IRAK2: variants seen among roughly 807,000 people sequenced by gnomAD.
IRAK2 encodes interleukin 1 receptor associated kinase 2.
Under a neutral mutation model 72.0 loss-of-function variants are expected in IRAK2, and 57 were observed. That is an observed-to-expected ratio of 0.79 (90% confidence interval 0.64 to 0.99). The LOEUF is 0.99. IRAK2 is among the 50% of genes least tolerant of loss of function. The probability of loss-of-function intolerance (pLI) is 0.00; values close to 1 mark genes in which losing one functional copy is unlikely to be tolerated. For missense variants in IRAK2, 790 were observed against 794.4 expected (o/e 0.99, Z 0.07); for synonymous variants, 293 against 312.7 (o/e 0.94, Z 0.67).
At chr3:10,188,475 A>G (rs1173877758) in intron 2 of IRAK2, among the ~76,000 whole-genome samples, 1 of 151,396 alleles carries the variant, frequency 6.6e-6, no homozygotes, top group African/African-American at 2.4e-5. Context: ...CTGGGATTAC[A>G]GGCATGCACT....
chr3:10,219,450 C>T (rs1393673291), intron 7 of IRAK2, among the ~76,000 whole-genome samples: 2 of 138,214 alleles, frequency 1.4e-5, no homozygotes, highest in Non-Finnish European at 3.4e-5. Flanking sequence ...TCCCAAATAG[C>T]TGGGACTACA....
At position 10,200,373 on chromosome 3, in the gene IRAK2, A is replaced by G. The variant is rs746470749; in HGVS notation, c.282A>G (p.Lys94=). Reference sequence around the variant, plus strand: ...TTCTTTCCACCTTGTTTTCAGGGAAACCGGCTCCTGAAATCAGGTGTCCCA... The same window carrying G: ...TTCTTTCCACCTTGTTTTCAGGGAAGCCGGCTCCTGAAATCAGGTGTCCCA... ...YRAAQIILNW[K]PAPEIRCPIP... The change falls in exon 3 of 13, where the codon AAA becomes AAG. Residue 94 remains lysine, a synonymous_variant. Coordinates refer to ENST00000256458, the MANE Select transcript of IRAK2 (RefSeq NM_001570.4). The G allele has an allele frequency of 1.6e-5, 25 of 1,583,662 alleles. No individual in the cohort carries two copies. Among genetic ancestry groups the G allele is most frequent in the Middle Eastern group, 3.4e-4 (2 of 5,930 alleles).
chr3:10,171,180 G>A (rs1232559188), intron 1 of IRAK2, among the ~76,000 whole-genome samples: 1 of 152,236 alleles, frequency 6.6e-6, no homozygotes, highest in African/African-American at 2.4e-5. Flanking sequence ...AGCCCCAGGT[G>A]TGTGCAGAGG....
chr3:10,209,665 C>G lies in IRAK2; in HGVS notation c.501C>G (p.Ser167Arg), dbSNP rs1472550336. The change falls in exon 4 of 13, where the codon AGC (serine) becomes AGG (arginine). Residue 167 changes from serine (S) to arginine (R), a missense_variant. Ser to Arg is a moderately radical substitution (Grantham distance 110, BLOSUM62 -1). Transcript: ENST00000256458. ...AAGATGCCCCTCATTCCTTGAGAAG[C>G]GACCTCCCCACTTCGTCTGATTCAA... is the stretch of plus-strand genomic sequence containing the variant. The part of the protein sequence containing the change: ...PEEDAPHSLR[S>R]DLPTSSDSKD... The G allele has an allele frequency of 6.4e-7, 1 of 1,552,090 alleles. No individual in the cohort carries two copies. Among genetic ancestry groups the G allele is most frequent in the Non-Finnish European group, 8.7e-7 (1 of 1,151,088 alleles).
chr3:10,192,693 C>T lies in IRAK2; in HGVS notation c.278-7676C>T, dbSNP rs968132566. Among the ~76,000 whole-genome samples, 50 of 151,996 alleles carry T rather than the reference C, an allele frequency of 3.3e-4. 1 individual carries two copies. Among genetic ancestry groups the T allele is most frequent in the African/African-American group, 1.2e-3 (48 of 41,450 alleles). On this transcript the variant is annotated intron_variant, in intron 2 of 12. Transcript: ENST00000256458. The stretch of plus-strand genomic sequence containing the variant: ...AACAGTAGTAGGAGGCCAAGGCGGA[C>T]GGATCACCTGAGGTCAGGAGTTCGA...
intron 6 of IRAK2, among the ~76,000 whole-genome samples, chr3:10,216,586 C>T (rs1317326601): frequency 6.6e-6 from 1 of 152,118 alleles, no homozygotes; most frequent in Non-Finnish European, 1.5e-5. Flanking sequence ...GAAAGAACCC[C>T]AGTCCTAGAG....
chr3:10,241,460 A>G (rs1719575), intron 12 of IRAK2, among the ~76,000 whole-genome samples: 10 of 150,698 alleles, frequency 6.6e-5, no homozygotes, highest in Admixed American at 2.7e-4. Flanking sequence ...TCAGGAGGCT[A>G]AGTCAGGAGA....
intron 2 of IRAK2, among the ~76,000 whole-genome samples, chr3:10,182,775 GTT>G (rs368969589): frequency 7.1e-6 from 1 of 141,612 alleles, no homozygotes; most frequent in Non-Finnish European, 1.6e-5. Flanking sequence ...CCACTAATTT[GTT>G]TTTTTTTTTT....
At chr3:10,178,638 A>G (rs1232357860) in intron 2 of IRAK2, among the ~76,000 whole-genome samples, 3 of 152,156 alleles carry the variant, frequency 2.0e-5, no homozygotes, top group Non-Finnish European at 4.4e-5. Flanking sequence ...AAAAAACCCC[A>G]ATAGCTATAA....
chr3:10,178,336 A>G lies in IRAK2; in HGVS notation c.277+316A>G, dbSNP rs145914663. The stretch of plus-strand genomic sequence containing the variant: ...GCTGGGCTTGGTGGCCTGCGCCTGT[A>G]ATCCCAGCTACTCAGGAGGCTGAGG... On this transcript the variant is annotated intron_variant, in intron 2 of 12. Transcript: ENST00000256458. 4.0e-3 allele frequency among the ~76,000 whole-genome samples: 611 copies of G among 152,218 alleles called. 4 individuals are homozygous for G. The highest frequency in any genetic ancestry group is 0.014 in the African/African-American group (577 of 41,546).
intron 10 of IRAK2, among the ~76,000 whole-genome samples, chr3:10,231,110 T>TA (rs1697855914): frequency 6.6e-6 from 1 of 152,198 alleles, no homozygotes; most frequent in Admixed American, 6.5e-5. Flanking sequence ...CCCAGGCTGA[T>TA]ATTGCTATTA....
chr3:10,190,557 T>A (rs1459088626), intron 2 of IRAK2, among the ~76,000 whole-genome samples: 1 of 152,106 alleles, frequency 6.6e-6, no homozygotes, highest in Non-Finnish European at 1.5e-5. Context: ...TCACTGTTGG[T>A]CTCTTGAGAG....
At chr3:10,241,495 G>A (rs2125167294) in intron 12 of IRAK2, among the ~76,000 whole-genome samples, 1 of 150,942 alleles carries the variant, frequency 6.6e-6, no homozygotes, top group East Asian at 2.0e-4. Context: ...GGAGGCAGAG[G>A]TTGCAGTGAG....
In IRAK2 at chr3:10,239,027, C is replaced by T. The variant is rs769345895; in HGVS notation, c.1753C>T (p.Pro585Ser). 6.2e-7 allele frequency: 1 copy of T among 1,602,184 alleles called. No individual in the cohort carries two copies. Among genetic ancestry groups the T allele is most frequent in the Non-Finnish European group, 8.5e-7 (1 of 1,173,694 alleles). The part of the protein sequence containing the change: ...SSSEACVGLE[P>S]PQDVTETSWQ... ...CTCTGAGGCCTGTGTTGGCCTGGAG[C>T]CTCCCCAGGATGGTAAGCCGGAAGT... Residue 585 changes from proline (P) to serine (S), a missense_variant, in exon 12 of 13, where the codon CCT (proline) becomes TCT (serine). Transcript: ENST00000256458.
chr3:10,205,899 T>C (rs528871443), intron 3 of IRAK2, among the ~76,000 whole-genome samples: 2 of 152,168 alleles, frequency 1.3e-5, no homozygotes, highest in African/African-American at 4.8e-5. Flanking sequence ...CCAAGGGTAC[T>C]GAGCTGAGGC....
At chr3:10,182,287 CTTTTTTTTTTTTT>C (rs1696971684) in intron 2 of IRAK2, among the ~76,000 whole-genome samples, 1 of 128,722 alleles carries the variant, frequency 7.8e-6, no homozygotes, top group Non-Finnish European at 1.6e-5. Flanking sequence ...TTCTTTTTTT[CTTTTTTTTTTTTT>C]GGGACAGAGT....
chr3:10,232,422 G>A (rs1004682519), intron 10 of IRAK2, among the ~76,000 whole-genome samples: 1 of 152,154 alleles, frequency 6.6e-6, no homozygotes, highest in Non-Finnish European at 1.5e-5. Flanking sequence ...TCACTACACG[G>A]GGCGTAGCCT....
intron 1 of IRAK2, among the ~76,000 whole-genome samples, chr3:10,174,580 A>G (rs1696844045): frequency 6.6e-6 from 1 of 151,976 alleles, no homozygotes; most frequent in African/African-American, 2.4e-5. Flanking sequence ...GCTGGAGTGC[A>G]GTGGCGTGAT....
intron 2 of IRAK2, among the ~76,000 whole-genome samples, chr3:10,193,534 G>A (rs983558179): frequency 1.3e-5 from 2 of 152,158 alleles, no homozygotes; most frequent in Non-Finnish European, 2.9e-5. Flanking sequence ...GAGGTGGGAG[G>A]ATTGCTTGAA....
Sources: gnomAD v4.1 joint callset for allele counts (sites outside exome capture counted in the v4.1 genomes callset) on GRCh38, gnomAD v4.1.1 for gene constraint, MANE v1.5 for transcripts, NCBI Gene and HGNC (gene_info 2026-07-23, HGNC 2026-07-21) for gene names.